The following SMARCA2 variants were observed in gnomAD, a reference collection of about 807,000 sequenced individuals.
SMARCA2 encodes the protein SWI/SNF related BAF chromatin remodeling complex subunit ATPase 2.
In SMARCA2, 61 loss-of-function variants were observed where a neutral mutation model predicts 199.8. That is an observed-to-expected ratio of 0.31 (90% CI 0.25 to 0.38). SMARCA2 has a LOEUF of 0.38. Among genes scored for constraint, SMARCA2 ranks in the 10% least tolerant of loss-of-function variants. The probability of loss-of-function intolerance (pLI) is 1.00; values close to 1 mark genes in which losing one functional copy is unlikely to be tolerated. For synonymous variants in SMARCA2, 935 were observed against 732.0 expected (o/e 1.28, Z -4.48); for missense variants, 1,344 against 2,012.2 (o/e 0.67, Z 6.35).
At chr9:2,136,083 G>A (rs187594066) in intron 27 of SMARCA2, among the ~76,000 whole-genome samples, 5 of 151,542 alleles carry the variant, frequency 3.3e-5, no homozygotes, top group East Asian at 3.9e-4. Flanking sequence ...CTCGTGATCC[G>A]CCTGCCTCAG....
rs774351704 is a variant in SMARCA2, at chr9:2,123,755, A to G, written c.3799A>G (p.Asn1267Asp). ...DMDRRREDAR[N>D]PKRKPRLMEE... Reference sequence around the variant, plus strand: ...GGACCGGCGGAGGGAAGATGCCCGGAACCCGAAACGGAAGCCCCGTTTAAT... The same window carrying G: ...GGACCGGCGGAGGGAAGATGCCCGGGACCCGAAACGGAAGCCCCGTTTAAT... Residue 1267 changes from asparagine to aspartate, a missense_variant, in exon 27 of 34, where the codon AAC becomes GAC. Asn to Asp is a conservative substitution (Grantham distance 23). This residue lies in a region of SMARCA2 where 63 missense variants were observed against 83.3 expected (regional missense o/e 0.76). Coordinates refer to ENST00000349721, the MANE Select transcript of SMARCA2 (RefSeq NM_003070.5). This position sits in a 1 kb window ranked among gnomAD's most constrained non-coding sequence, Gnocchi z 4.1. 3.1e-6 allele frequency: 5 copies of G among 1,614,134 alleles called. No individual in the cohort carries two copies. Among genetic ancestry groups the G allele is most frequent in the Admixed American group, 1.7e-5 (1 of 60,016 alleles).
chr9:2,088,261 G>A (rs978374058), intron 18 of SMARCA2, among the ~76,000 whole-genome samples: 2 of 152,072 alleles, frequency 1.3e-5, no homozygotes, highest in East Asian at 1.9e-4. Context: ...GGTGGCTTCC[G>A]GGCTCTTTTC....
chr9:2,044,292 A>C (rs1366753471), intron 4 of SMARCA2: 1 of 152,260 alleles, frequency 6.6e-6, no homozygotes, highest in East Asian at 1.9e-4. Context: ...TAGGAAGTGG[A>C]GTTTGCTCTA....
chr9:2,191,506 C>T lies in SMARCA2; in HGVS notation c.4737+98C>T, dbSNP rs570368476. ...CCCCTTCAGCCTTTTCGCTTTATTA[C>T]CCAGGACTGGAAATGTCAGGATTTA... On this transcript the variant is annotated intron_variant, in intron 33 of 33. Transcript: ENST00000349721. 71 of 1,291,690 alleles carry T rather than the reference C, an allele frequency of 5.5e-5. 1 individual carries two copies. The South Asian group carries it at 9.0e-4, about 16-fold the overall frequency. 80.0% of individuals were successfully genotyped at this position (1,291,690 alleles called of 1,614,324 possible).
intron 2 of SMARCA2, 116 bp from the exon 3 acceptor site, chr9:2,032,836 T>C (rs1819131392): frequency 1.1e-5 from 9 of 816,346 alleles, no homozygotes; most frequent in Non-Finnish European, 1.7e-5. Flanking sequence ...AACTCTAGAA[T>C]GGGTAGTAGA....
In SMARCA2 at chr9:2,039,271, A is replaced by C. The variant is rs1449442144; in HGVS notation, c.356-195A>C. On this transcript the variant is annotated intron_variant, in intron 3 of 33. Coordinates refer to ENST00000349721, the MANE Select transcript of SMARCA2 (RefSeq NM_003070.5). This position sits in a 1 kb window ranked among gnomAD's most constrained non-coding sequence, Gnocchi z 4.8. ...TAACACTTTAAAGTGGCTACCAGAA[A>C]ATTTTAAATTTTACATATATATAAA... 6.6e-6 allele frequency among the ~76,000 whole-genome samples: 1 copy of C among 152,008 alleles called. No homozygotes were observed.
intron 27 of SMARCA2, among the ~76,000 whole-genome samples, chr9:2,142,403 C>A (rs1824506294): frequency 6.6e-6 from 1 of 152,118 alleles, no homozygotes; most frequent in Non-Finnish European, 1.5e-5. Context: ...GCAGAGGGAA[C>A]TTCCTTATGC....
At chr9:2,073,498 T>C in intron 11 of SMARCA2, 68 bp from the exon 12 acceptor site, 1 of 1,463,228 alleles carries the variant, frequency 6.8e-7, no homozygotes, top group Non-Finnish European at 9.5e-7. Flanking sequence ...TATTAAGTCA[T>C]GTGTGTCTTT....
intron 1 of SMARCA2, among the ~76,000 whole-genome samples, chr9:2,025,742 C>G (rs1818801807): frequency 6.6e-6 from 1 of 152,244 alleles, no homozygotes; most frequent in Non-Finnish European, 1.5e-5. Context: ...ATTTATTTCC[C>G]CAGGTTTCTT....
chr9:2,159,102 C>A, intron 27 of SMARCA2: 1 of 1,169,212 alleles, frequency 8.6e-7, no homozygotes, highest in Non-Finnish European at 1.2e-6. Flanking sequence ...GTTTTCGCTT[C>A]TTAGCTACTC....
intron 29 of SMARCA2, among the ~76,000 whole-genome samples, chr9:2,180,677 A>G (rs1389247098): frequency 6.6e-6 from 1 of 152,268 alleles, no homozygotes. Context: ...ATCAGATATT[A>G]GGATCTTGAA....
intron 21 of SMARCA2, among the ~76,000 whole-genome samples, chr9:2,099,232 G>T (rs901429645): frequency 3.9e-5 from 6 of 152,106 alleles, no homozygotes; most frequent in Admixed American, 1.3e-4. Context: ...GTGTATGTTG[G>T]GTTTAGAGGA....
chr9:2,074,028 A>G (rs554204424), intron 12 of SMARCA2, among the ~76,000 whole-genome samples: 5 of 152,258 alleles, frequency 3.3e-5, no homozygotes, highest in South Asian at 4.1e-4. Context: ...CTTCGAGTCT[A>G]TTTGCAATTC....
rs981754892 is a variant in SMARCA2, at chr9:2,104,847, G to T, written c.3292+678G>T. On this transcript the variant is annotated intron_variant, in intron 23 of 33. Coordinates refer to ENST00000349721, the MANE Select transcript of SMARCA2 (RefSeq NM_003070.5). The surrounding 1 kb of genome is among the most constrained non-coding windows in gnomAD (Gnocchi z 4.0). ...GGATATCAGCCATAATATATTAGAGGTTGAAAGTATCAGCATTTATACACA... is the reference window on the plus strand; with the variant it reads ...GGATATCAGCCATAATATATTAGAGTTTGAAAGTATCAGCATTTATACACA... 1.4e-4 allele frequency among the ~76,000 whole-genome samples: 22 copies of T among 152,284 alleles called. No individual in the cohort carries two copies. The highest frequency in any genetic ancestry group is 3.4e-3 in the Middle Eastern group (1 of 294).
chr9:2,043,810 C>G (rs921471592), intron 4 of SMARCA2: 1 of 152,188 alleles, frequency 6.6e-6, no homozygotes, highest in Non-Finnish European at 1.5e-5. Flanking sequence ...GCCCCCTCCC[C>G]GCTTAGCTGC....
At chr9:2,190,885 C>A (rs1048044364) in intron 32 of SMARCA2, among the ~76,000 whole-genome samples, 62 of 152,214 alleles carry the variant, frequency 4.1e-4, no homozygotes, top group African/African-American at 1.5e-3. Flanking sequence ...AAACTCTTTA[C>A]ATTTATTTAT....
chr9:2,036,418 C>G lies in SMARCA2; in HGVS notation c.356-3048C>G, dbSNP rs115532143. Among the ~76,000 whole-genome samples the G allele has an allele frequency of 5.6e-3, 855 of 152,284 alleles. 9 individuals are homozygous for G. Among genetic ancestry groups the G allele is most frequent in the African/African-American group, 0.019 (797 of 41,556 alleles). On this transcript the variant is annotated intron_variant, in intron 3 of 33. Coordinates refer to ENST00000349721, the MANE Select transcript of SMARCA2 (RefSeq NM_003070.5). ...AAAAAGAGCAGAATCTGCATCAACA[C>G]TGTCATCCTACAGACCAATGTATAT... is the stretch of plus-strand genomic sequence containing the variant.
chr9:2,029,047 G>C lies in SMARCA2; in HGVS notation c.25G>C (p.Ala9Pro). Reference sequence around the variant, plus strand: ...GATGTCCACGCCCACAGACCCTGGTGCGATGCCCCACCCAGGGCCTTCGCC... The same window carrying C: ...GATGTCCACGCCCACAGACCCTGGTCCGATGCCCCACCCAGGGCCTTCGCC... MSTPTDPGAMPHPGPSPGP... is the reference protein window; with the variant it reads MSTPTDPGPMPHPGPSPGP... Residue 9 changes from alanine (A) to proline (P), a missense_variant, in exon 2 of 34, where the codon GCG becomes CCG. By Grantham distance (27) the Ala-to-Pro change is conservative. Around this residue, in one of 18 missense-constraint regions of SMARCA2, gnomAD observed 275 missense variants for 247.5 expected, o/e 1.11. Transcript: ENST00000349721. 2 of 1,553,656 alleles carry C rather than the reference G, an allele frequency of 1.3e-6. No homozygotes were observed. Among genetic ancestry groups the C allele is most frequent in the Non-Finnish European group, 1.7e-6 (2 of 1,148,426 alleles).
intron 27 of SMARCA2, among the ~76,000 whole-genome samples, chr9:2,149,064 G>C (rs979063631): frequency 6.6e-6 from 1 of 151,052 alleles, no homozygotes; most frequent in Admixed American, 6.6e-5. Flanking sequence ...GTATTAGTCT[G>C]TTTTCACACT....
Sources: gnomAD v4.1 joint callset for allele counts (sites outside exome capture counted in the v4.1 genomes callset) on GRCh38, gnomAD v4.1.1 for gene constraint, gnomAD v4.1.1 regional missense constraint, Gnocchi (gnomAD v3.1) non-coding constraint, MANE v1.5 for transcripts, NCBI Gene and HGNC (gene_info 2026-07-23, HGNC 2026-07-21) for gene names.